The following GBP7 variants were observed in gnomAD, a reference collection of about 807,000 sequenced individuals.
The protein encoded by GBP7 is guanylate binding protein 7, also known as guanylate-binding protein 7.
GBP7 carries 43 observed loss-of-function variants against 61.3 expected under a neutral mutation model. The observed-to-expected ratio is 0.70, with a 90% CI of 0.55 to 0.91. The LOEUF (loss-of-function observed/expected upper bound fraction) is 0.91. Ranked by LOEUF, GBP7 falls within the 40% of genes least tolerant of loss-of-function variation. GBP7 has a pLI of 0.00. For synonymous variants in GBP7, 267 were observed against 271.0 expected, an observed-to-expected ratio of 0.99 and a Z score of 0.14; for missense variants, 717 against 740.5, an observed-to-expected ratio of 0.97 and a Z score of 0.37.
intron 9 of GBP7, among the ~76,000 whole-genome samples, chr1:89,138,745 A>T (rs1204784786): frequency 1.3e-5 from 2 of 152,194 alleles, no homozygotes; most frequent in East Asian, 3.8e-4. Context: ...AAACCTAGGA[A>T]ATACCATTCT....
intron 5 of GBP7, among the ~76,000 whole-genome samples, chr1:89,150,918 T>G (rs1395216172): frequency 6.6e-6 from 1 of 152,244 alleles, no homozygotes; most frequent in African/African-American, 2.4e-5. Flanking sequence ...TAAAATATGA[T>G]AAGAAGTACT....
intron 3 of GBP7, 115 bp downstream of exon 3, chr1:89,164,616 C>T: frequency 1.9e-6 from 2 of 1,055,434 alleles, no homozygotes; most frequent in South Asian, 1.5e-5. Context: ...AGCTTTGTTT[C>T]CCATAATCAG....
At chr1:89,159,796 G>A (rs771897125) in intron 3 of GBP7, among the ~76,000 whole-genome samples, 6 of 152,144 alleles carry the variant, frequency 3.9e-5, no homozygotes, top group Non-Finnish European at 4.4e-5. Context: ...TGTGGAAGAC[G>A]GCGTGGTGAT....
intron 3 of GBP7, among the ~76,000 whole-genome samples, chr1:89,156,674 G>A (rs1682322417): frequency 6.6e-6 from 1 of 152,150 alleles, no homozygotes; most frequent in African/African-American, 2.4e-5. Context: ...AAATATATAT[G>A]CACCCAATAC....
At chr1:89,152,493 C>A in intron 4 of GBP7, 29 bp from the exon 5 acceptor site, 2 of 1,598,174 alleles carry the variant, frequency 1.3e-6, no homozygotes, top group Non-Finnish European at 8.6e-7. Context: ...AAGGATAGCA[C>A]CCTACACCAT....
rs766431867 is a variant in GBP7 at position 89,149,579 on chromosome 1, G to A, written c.872-7C>T. 8 of 1,596,580 alleles carry A rather than the reference G, an allele frequency of 5.0e-6. No individual in the cohort carries two copies. The highest frequency in any genetic ancestry group is 1.7e-4 in the Middle Eastern group (1 of 5,982). On this transcript the variant is annotated splice_polypyrimidine_tract_variant and splice_region_variant and intron_variant, in intron 6 of 10. Coordinates refer to ENST00000294671, the MANE Select transcript of GBP7 (RefSeq NM_207398.3). ...TCCACCAGCATCCCCAGCCCTGAATGATTTAGGAAATTTAGGGAATAGATA... is the reference window on the plus strand; with the variant it reads ...TCCACCAGCATCCCCAGCCCTGAATAATTTAGGAAATTTAGGGAATAGATA...
intron 2 of GBP7, among the ~76,000 whole-genome samples, chr1:89,167,638 G>A (rs1048521496): frequency 4.6e-5 from 7 of 152,218 alleles, no homozygotes; most frequent in African/African-American, 1.7e-4. Flanking sequence ...TCCAGTCTCT[G>A]AAGATAAAGT....
At chr1:89,149,238 A>G in intron 7 of GBP7, 54 bp downstream of exon 7, 1 of 1,468,880 alleles carries the variant, frequency 6.8e-7, no homozygotes, top group African/African-American at 1.4e-5. Flanking sequence ...GGTGGACTAT[A>G]AGTATCATTC....
chr1:89,141,539 C>G lies in GBP7; in HGVS notation c.1468+7G>C. On this transcript the variant is annotated splice_region_variant and intron_variant, in intron 9 of 10. Transcript: ENST00000294671. ...ATTTGCCTGAGAGCTGAGCCCTGCC[C>G]CTGTACCTGCTATGGCCTTCTCTCC... 6.2e-7 allele frequency: 1 copy of G among 1,612,680 alleles called. No homozygotes were observed. Among genetic ancestry groups the G allele is most frequent in the Non-Finnish European group, 8.5e-7 (1 of 1,178,976 alleles).
rs1682223523 is a variant in GBP7 at position 89,152,372 on chromosome 1, G to T, written c.521C>A (p.Pro174Gln). The stretch of plus-strand genomic sequence containing the variant: ...ATCTCGAACAGTCCAAATAAAGTCT[G>T]GAAAGAAACTCACAAACTCGCTGGA... Reference protein sequence around the residue: ...EDSSEFVSFFPDFIWTVRDFT... With the variant: ...EDSSEFVSFFQDFIWTVRDFT... The change falls in exon 5 of 11, where the codon CCA (proline) becomes CAA (glutamine). Residue 174 changes from proline to glutamine, a missense_variant. This residue lies in a region of GBP7 where 387 missense variants were observed against 385.2 expected (regional missense o/e 1.00). Coordinates refer to ENST00000294671, the MANE Select transcript of GBP7 (RefSeq NM_207398.3). The T allele has an allele frequency of 6.2e-7, 1 of 1,613,950 alleles. No individual in the cohort carries two copies. Among genetic ancestry groups the T allele is most frequent in the Non-Finnish European group, 8.5e-7 (1 of 1,180,004 alleles).
At chr1:89,165,510 GA>G (rs377460369) in intron 2 of GBP7, among the ~76,000 whole-genome samples, 5,654 of 110,584 alleles carry the variant, frequency 0.051, 152 homozygotes, top group East Asian at 0.1. Flanking sequence ...CAAAAAAAAA[GA>G]AAAAAAAAAA....
At chr1:89,167,764 G>A (rs1647483252) in intron 2 of GBP7, among the ~76,000 whole-genome samples, 1 of 152,158 alleles carries the variant, frequency 6.6e-6, no homozygotes, top group Non-Finnish European at 1.5e-5. Context: ...GGACAACTAA[G>A]GCAATGACTG....
intron 9 of GBP7, among the ~76,000 whole-genome samples, chr1:89,133,790 A>G (rs889100165): frequency 2.0e-5 from 3 of 152,156 alleles, no homozygotes; most frequent in African/African-American, 7.2e-5. Flanking sequence ...TCCTAGCTTT[A>G]GGAGACCCCA....
chr1:89,134,113 C>G (rs1222024507), intron 9 of GBP7, among the ~76,000 whole-genome samples: 1 of 152,170 alleles, frequency 6.6e-6, no homozygotes, highest in African/African-American at 2.4e-5. Context: ...TGTCAGATGC[C>G]TAACTGAAGC....
At chr1:89,174,028 A>G (rs544211917) in intron 1 of GBP7, among the ~76,000 whole-genome samples, 215 of 152,332 alleles carry the variant, frequency 1.4e-3, no homozygotes, top group African/African-American at 5.0e-3. Flanking sequence ...CGAAGATCAC[A>G]TCATATAGAA....
intron 2 of GBP7, among the ~76,000 whole-genome samples, chr1:89,171,066 T>C (rs1266703373): frequency 6.6e-6 from 1 of 152,254 alleles, no homozygotes; most frequent in African/African-American, 2.4e-5. Flanking sequence ...TTATTTGTTA[T>C]AGCATGCATT....
chr1:89,143,086 A>G (rs1025090491), intron 8 of GBP7, among the ~76,000 whole-genome samples: 2 of 152,162 alleles, frequency 1.3e-5, no homozygotes, highest in Non-Finnish European at 2.9e-5. Context: ...TTGTTTTTCA[A>G]TTTTAGCAAT....
chr1:89,152,251 A>G lies in GBP7; in HGVS notation c.625+17T>C. 1.2e-6 allele frequency: 2 copies of G among 1,610,658 alleles called. No homozygotes were observed. The highest frequency in any genetic ancestry group is 2.2e-5 in the East Asian group (1 of 44,850). ...CCCGCTACTGAACCTTCTCCCATCT[A>G]GGCCATGCTCTGATACCTGAAATCA... On this transcript the variant is annotated intron_variant, in intron 5 of 10. Transcript: ENST00000294671.
chr1:89,147,895 T>C, intron 7 of GBP7, 116 bp from the exon 8 acceptor site: 5 of 1,016,520 alleles, frequency 4.9e-6, no homozygotes, highest in Non-Finnish European at 7.4e-6. Context: ...AGTTACGGTG[T>C]AGACTAAGAG....
Sources: gnomAD v4.1 joint callset for allele counts (sites outside exome capture counted in the v4.1 genomes callset) on GRCh38, gnomAD v4.1.1 for gene constraint, gnomAD v4.1.1 regional missense constraint, MANE v1.5 for transcripts, NCBI Gene and HGNC (gene_info 2026-07-23, HGNC 2026-07-21) for gene names.